Variants in KIRREL3 observed in about 807,000 individuals in gnomAD.
The protein encoded by KIRREL3 is kin of IRRE-like protein 3.
KIRREL3 carries 36 observed loss-of-function variants against 89.7 expected under a neutral mutation model. That is an observed-to-expected ratio of 0.40 (90% CI 0.31 to 0.53). The LOEUF (loss-of-function observed/expected upper bound fraction) is 0.53. Among genes scored for constraint, KIRREL3 ranks in the 20% least tolerant of loss-of-function variants. The pLI, the probability that KIRREL3 is intolerant of heterozygous loss-of-function variation, is 0.49. For synonymous variants in KIRREL3, 445 were observed against 441.4 expected (o/e 1.01, Z -0.10); for missense variants, 864 against 1,056.6 (o/e 0.82, Z 2.53).
At position 126,736,076 on chromosome 11, in the gene KIRREL3, G is replaced by C. The variant is rs912365937; in HGVS notation, c.56-173164C>G. 2.6e-5 allele frequency among the ~76,000 whole-genome samples: 4 copies of C among 152,118 alleles called. No individual in the cohort carries two copies. Among genetic ancestry groups the C allele is most frequent in the Non-Finnish European group, 4.4e-5 (3 of 68,032 alleles). On this transcript the variant is annotated intron_variant, in intron 1 of 16. Coordinates refer to ENST00000525144, the MANE Select transcript of KIRREL3 (RefSeq NM_032531.4). This position sits in a 1 kb window ranked among gnomAD's most constrained non-coding sequence, Gnocchi z 5.0. The stretch of plus-strand genomic sequence containing the variant: ...GCGTAGTGCCTAGCAGAGAGTACAT[G>C]TTGAATACATTTATTAGTTTCTTTC...
chr11:126,916,052 C>A (rs1947025442), intron 1 of KIRREL3, among the ~76,000 whole-genome samples: 1 of 152,158 alleles, frequency 6.6e-6, no homozygotes, highest in African/African-American at 2.4e-5. Flanking sequence ...AAATTCTAAT[C>A]ATATGTAAAA....
rs1349907767 is a variant in KIRREL3, at chr11:126,498,114, C to T, written c.433+23201G>A. Among the ~76,000 whole-genome samples the T allele has an allele frequency of 6.6e-6, 1 of 152,176 alleles. No homozygotes were observed. The highest frequency in any genetic ancestry group is 1.5e-5 in the Non-Finnish European group (1 of 68,032). On this transcript the variant is annotated intron_variant, in intron 4 of 16. Coordinates refer to ENST00000525144, the MANE Select transcript of KIRREL3 (RefSeq NM_032531.4). This position sits in a 1 kb window ranked among gnomAD's most constrained non-coding sequence, Gnocchi z 4.3. ...CACAGCCAGTAAGCCTGCTTAGTAGCTCTACTGCATCACACTGGTCTGGAC... is the reference window on the plus strand; with the variant it reads ...CACAGCCAGTAAGCCTGCTTAGTAGTTCTACTGCATCACACTGGTCTGGAC...
Position 126,513,906 on chromosome 11 carries a change from G to A in KIRREL3, c.433+7409C>T, listed in dbSNP as rs1958314388. 6.6e-6 allele frequency among the ~76,000 whole-genome samples: 1 copy of A among 152,184 alleles called. No homozygotes were observed. The highest frequency in any genetic ancestry group is 6.5e-5 in the Admixed American group (1 of 15,278). ...TCAGGGAGCTATAATATAACTTAGAGGTGAGAGACTATATGTCAGCCTCAG... is the reference window on the plus strand; with the variant it reads ...TCAGGGAGCTATAATATAACTTAGAAGTGAGAGACTATATGTCAGCCTCAG... On this transcript the variant is annotated intron_variant, in intron 4 of 16. Coordinates refer to ENST00000525144, the MANE Select transcript of KIRREL3 (RefSeq NM_032531.4). This position sits in a 1 kb window ranked among gnomAD's most constrained non-coding sequence, Gnocchi z 5.9.
In KIRREL3 at chr11:126,575,184, C is replaced by CG. The variant is rs1200143600; in HGVS notation, c.56-12273dup. Among the ~76,000 whole-genome samples, 4 of 152,136 alleles carry CG rather than the reference C, an allele frequency of 2.6e-5. No homozygotes were observed. The highest frequency in any genetic ancestry group is 5.9e-5 in the Non-Finnish European group (4 of 68,030). ...AAAAAGAGGCTTAAGCTAAGAAGCC[C>CG]GGGGAGTAGGAAGTTCTATGCTACC... On this transcript the variant is annotated intron_variant, in intron 1 of 16. Coordinates refer to ENST00000525144, the MANE Select transcript of KIRREL3 (RefSeq NM_032531.4). This position sits in a 1 kb window ranked among gnomAD's most constrained non-coding sequence, Gnocchi z 7.0.
rs560306392 is a variant in KIRREL3 at position 126,996,606 on chromosome 11, C to T, written c.55+3849G>A. On this transcript the variant is annotated intron_variant, in intron 1 of 16. Transcript: ENST00000525144. This position sits in a 1 kb window ranked among gnomAD's most constrained non-coding sequence, Gnocchi z 4.7. ...TCACTCTATTTTACCCTTCTGTCTA[C>T]GAGATGCCTTTCTATTCCCTAGGAG... Among the ~76,000 whole-genome samples, 18 of 152,296 alleles carry T rather than the reference C, an allele frequency of 1.2e-4. No homozygotes were observed. The highest frequency in any genetic ancestry group is 8.3e-4 in the South Asian group (4 of 4,826).
rs1565598196 is a variant in KIRREL3, at chr11:126,620,722, G to T, written c.56-57810C>A. Among the ~76,000 whole-genome samples, 1 of 152,090 alleles carries T rather than the reference G, an allele frequency of 6.6e-6. No homozygotes were observed. The highest frequency in any genetic ancestry group is 1.5e-5 in the Non-Finnish European group (1 of 68,026). ...TGCTGCCTTCTTCAATGCTTTTATA[G>T]GTCTCTTGATCTCTTCTTCCTGCCT... is the stretch of plus-strand genomic sequence containing the variant. On this transcript the variant is annotated intron_variant, in intron 1 of 16. Coordinates refer to ENST00000525144, the MANE Select transcript of KIRREL3 (RefSeq NM_032531.4). This position sits in a 1 kb window ranked among gnomAD's most constrained non-coding sequence, Gnocchi z 4.8.
Position 126,608,008 on chromosome 11 carries a change from C to T in KIRREL3, c.56-45096G>A, listed in dbSNP as rs945708643. Among the ~76,000 whole-genome samples the T allele has an allele frequency of 3.9e-5, 6 of 152,300 alleles. No individual in the cohort carries two copies. In the South Asian group the frequency reaches 1.2e-3, roughly 32 times the overall value. On this transcript the variant is annotated intron_variant, in intron 1 of 16. Transcript: ENST00000525144. The surrounding 1 kb of genome is among the most constrained non-coding windows in gnomAD (Gnocchi z 4.9). ...CGTCAGCTGTCTCCAGGGCCTTTCTCATCATCTCCCGTGCCTGCCGTGCTG... is the reference window on the plus strand; with the variant it reads ...CGTCAGCTGTCTCCAGGGCCTTTCTTATCATCTCCCGTGCCTGCCGTGCTG...
rs1456006337 is a variant in KIRREL3, at chr11:126,900,667, C to A, written c.55+99788G>T. On this transcript the variant is annotated intron_variant, in intron 1 of 16. Coordinates refer to ENST00000525144, the MANE Select transcript of KIRREL3 (RefSeq NM_032531.4). This position sits in a 1 kb window ranked among gnomAD's most constrained non-coding sequence, Gnocchi z 4.4. The stretch of plus-strand genomic sequence containing the variant: ...GCAAAGCCCAGGCATCTTTTAAAGT[C>A]AAACTTTAAAGTATAATATGCCGTG... Among the ~76,000 whole-genome samples, 1 of 152,140 alleles carries A rather than the reference C, an allele frequency of 6.6e-6. No homozygotes were observed. The highest frequency in any genetic ancestry group is 2.4e-5 in the African/African-American group (1 of 41,430).
intron 1 of KIRREL3, among the ~76,000 whole-genome samples, chr11:126,928,639 C>T (rs966950883): frequency 1.3e-5 from 2 of 152,154 alleles, no homozygotes; most frequent in African/African-American, 2.4e-5. Flanking sequence ...TGGGGGAGAG[C>T]AAGGTCTCAG....
At position 126,613,522 on chromosome 11, in the gene KIRREL3, C is replaced by T. The variant is rs372640493; in HGVS notation, c.56-50610G>A. On this transcript the variant is annotated intron_variant, in intron 1 of 16. Coordinates refer to ENST00000525144, the MANE Select transcript of KIRREL3 (RefSeq NM_032531.4). ...CCCCCTGCTTGGACACGTGCTTTCC[C>T]CTGCTCATGTGTGTCATCCAATGCC... Among the ~76,000 whole-genome samples the T allele has an allele frequency of 3.9e-4, 59 of 152,264 alleles. 1 individual carries two copies. Among genetic ancestry groups the T allele is most frequent in the African/African-American group, 1.4e-3 (57 of 41,554 alleles).
rs182650970 is a variant in KIRREL3, at chr11:126,569,962, A to G, written c.56-7050T>C. ...TTCTGCATCGGTTCTGCCTACTCCT[A>G]TTTTCAGCATAATTACTCATATCCC... On this transcript the variant is annotated intron_variant, in intron 1 of 16. Transcript: ENST00000525144. This position sits in a 1 kb window ranked among gnomAD's most constrained non-coding sequence, Gnocchi z 6.5. 3.1e-4 allele frequency among the ~76,000 whole-genome samples: 47 copies of G among 152,166 alleles called. No individual in the cohort carries two copies. The East Asian group carries it at 6.4e-3, about 21-fold the overall frequency.
chr11:126,502,053 C>T (rs559254628), intron 4 of KIRREL3, among the ~76,000 whole-genome samples: 2 of 152,146 alleles, frequency 1.3e-5, no homozygotes, highest in East Asian at 1.9e-4. Flanking sequence ...TAATATAAAA[C>T]CCCCCAGAAT....
rs1465017318 is a variant in KIRREL3 at position 126,924,399 on chromosome 11, C to G, written c.55+76056G>C. ...GCATAACACCAGGTCCTTATAAGTA[C>G]TCAAAAAATATGTGTTCAATGAAAA... On this transcript the variant is annotated intron_variant, in intron 1 of 16. Coordinates refer to ENST00000525144, the MANE Select transcript of KIRREL3 (RefSeq NM_032531.4). This position sits in a 1 kb window ranked among gnomAD's most constrained non-coding sequence, Gnocchi z 4.7. Among the ~76,000 whole-genome samples, 1 of 152,138 alleles carries G rather than the reference C, an allele frequency of 6.6e-6. No individual in the cohort carries two copies. The highest frequency in any genetic ancestry group is 1.9e-4 in the East Asian group (1 of 5,188).
At position 126,443,954 on chromosome 11, in the gene KIRREL3, C is replaced by T. The variant is rs941476648; in HGVS notation, c.1252+1025G>A. ...GAGCATTCGGAAACGGCAGAGGAAT[C>T]GAACTGGCAGCTTTGCTTTTTGCCT... is the stretch of plus-strand genomic sequence containing the variant. On this transcript the variant is annotated intron_variant, in intron 10 of 16. Transcript: ENST00000525144. This position sits in a 1 kb window ranked among gnomAD's most constrained non-coding sequence, Gnocchi z 7.3. Among the ~76,000 whole-genome samples, 2 of 152,166 alleles carry T rather than the reference C, an allele frequency of 1.3e-5. No individual in the cohort carries two copies. The highest frequency in any genetic ancestry group is 2.9e-5 in the Non-Finnish European group (2 of 68,036).
intron 6 of KIRREL3, among the ~76,000 whole-genome samples, chr11:126,460,768 C>T (rs528239379): frequency 4.0e-4 from 61 of 152,314 alleles, no homozygotes; most frequent in African/African-American, 1.1e-3. Context: ...GCGAGTTTCC[C>T]GTTGCCTGGA....
chr11:126,617,376 G>GGCTGTATCTAGGTCATGGGTAA (rs1943396279), intron 1 of KIRREL3, among the ~76,000 whole-genome samples: 2 of 152,180 alleles, frequency 1.3e-5, no homozygotes, highest in African/African-American at 2.4e-5. Flanking sequence ...AGAAGTTTGG[G>GGCTGTATCTAGGTCATGGGTAA]GCTGTATCTA....
rs1565362618 is a variant in KIRREL3 at position 126,863,398 on chromosome 11, A to AGTGC, written c.55+137053_55+137056dup. Among the ~76,000 whole-genome samples the AGTGC allele has an allele frequency of 4.5e-3, 55 of 12,306 alleles. 2 individuals are homozygous for AGTGC. Among genetic ancestry groups the AGTGC allele is most frequent in the African/African-American group, 0.013 (30 of 2,262 alleles). 8.1% of individuals were successfully genotyped at this position (12,306 alleles called of 152,430 possible). On this transcript the variant is annotated intron_variant, in intron 1 of 16. Transcript: ENST00000525144. ...GTGTGTGTGTTTGAGTGCGTGTGTG[A>AGTGC]GTGCGTGAGTGCGTGTGTGAGCGCA... is the stretch of plus-strand genomic sequence containing the variant.
rs2134640024 is a variant in KIRREL3 at position 126,574,622 on chromosome 11, C to A, written c.56-11710G>T. 1.3e-5 allele frequency among the ~76,000 whole-genome samples: 2 copies of A among 152,252 alleles called. No homozygotes were observed. The highest frequency in any genetic ancestry group is 3.9e-4 in the East Asian group (2 of 5,176). ...GAGAAGTGACCCCTTTTGGGGTTATCCAATCTAGCAGCCCCACCAGAGCAA... is the reference window on the plus strand; with the variant it reads ...GAGAAGTGACCCCTTTTGGGGTTATACAATCTAGCAGCCCCACCAGAGCAA... On this transcript the variant is annotated intron_variant, in intron 1 of 16. Coordinates refer to ENST00000525144, the MANE Select transcript of KIRREL3 (RefSeq NM_032531.4). The surrounding 1 kb of genome is among the most constrained non-coding windows in gnomAD (Gnocchi z 5.3).
Position 126,476,750 on chromosome 11 carries a change from G to A in KIRREL3, c.434-3284C>T, listed in dbSNP as rs78386147. Among the ~76,000 whole-genome samples the A allele has an allele frequency of 1.3e-3, 204 of 152,262 alleles. No homozygotes were observed. The highest frequency in any genetic ancestry group is 4.7e-3 in the African/African-American group (195 of 41,542). On this transcript the variant is annotated intron_variant, in intron 4 of 16. Coordinates refer to ENST00000525144, the MANE Select transcript of KIRREL3 (RefSeq NM_032531.4). This position sits in a 1 kb window ranked among gnomAD's most constrained non-coding sequence, Gnocchi z 6.4. ...ATCAGCAGTCGCTCTTGGCAGCTGT[G>A]TCTGGCGTGGAAGGGGGCTCCTCAT... is the stretch of plus-strand genomic sequence containing the variant.
Sources: allele counts gnomAD v4.1 joint callset (sites outside exome capture counted in the v4.1 genomes callset), GRCh38; gene constraint gnomAD v4.1.1; non-coding constraint Gnocchi (gnomAD v3.1); transcripts MANE v1.5; gene names NCBI Gene and HGNC (gene_info 2026-07-23, HGNC 2026-07-21).